The following CDH12 variants were observed in gnomAD, a reference collection of about 807,000 sequenced individuals.
CDH12 encodes cadherin-12.
Under a neutral mutation model 74.1 loss-of-function variants are expected in CDH12, and 41 were observed. The observed-to-expected ratio is 0.55, with a 90% CI of 0.43 to 0.72. CDH12 has a LOEUF of 0.72. Ranked by LOEUF, CDH12 falls within the 30% of genes least tolerant of loss-of-function variation. CDH12 has a pLI of 0.00. For synonymous variants in CDH12, 399 were observed against 355.0 expected (o/e 1.12, Z -1.39); for missense variants, 945 against 977.2 (o/e 0.97, Z 0.44).
Position 21,833,645 on chromosome 5 carries a change from G to A in CDH12, c.814+8516C>T, listed in dbSNP as rs577078581. On this transcript the variant is annotated intron_variant, in intron 8 of 14. Transcript: ENST00000382254. The stretch of plus-strand genomic sequence containing the variant: ...TGTATATCATGTATCTCATATATAT[G>A]CATACAAATGATTCAAGGAATCAGC... 2.7e-5 allele frequency among the ~76,000 whole-genome samples: 3 copies of A among 113,184 alleles called. No homozygotes were observed. In the South Asian group the frequency reaches 9.3e-4, roughly 35 times the overall value. 74.3% of individuals were successfully genotyped at this position (113,184 alleles called of 152,430 possible). A position where few individuals can be genotyped will look rare whatever the true frequency, so the allele number is the denominator to read the frequency against.
chr5:22,548,396 T>C (rs1289086359), intron 1 of CDH12, among the ~76,000 whole-genome samples: 4 of 152,206 alleles, frequency 2.6e-5, no homozygotes, highest in African/African-American at 9.6e-5. Context: ...ATAATCTAAA[T>C]CTTCACAGTG....
chr5:22,459,372 TG>T (rs1445235542), intron 2 of CDH12, among the ~76,000 whole-genome samples: 1 of 152,138 alleles, frequency 6.6e-6, no homozygotes, highest in East Asian at 1.9e-4. Flanking sequence ...TAAAAATTAA[TG>T]TATTGCAACA....
chr5:22,294,324 G>C (rs1737530216), intron 3 of CDH12, among the ~76,000 whole-genome samples: 1 of 152,150 alleles, frequency 6.6e-6, no homozygotes, highest in South Asian at 2.1e-4. Flanking sequence ...GATAAATCCA[G>C]TTTCTTAGAA....
chr5:22,803,059 A>G (rs189772855), intron 1 of CDH12, among the ~76,000 whole-genome samples: 1 of 152,146 alleles, frequency 6.6e-6, no homozygotes, highest in Non-Finnish European at 1.5e-5. Flanking sequence ...AGGAAGCCCA[A>G]CATCAACTTT....
intron 1 of CDH12, among the ~76,000 whole-genome samples, chr5:22,608,196 G>C (rs1737215951): frequency 6.6e-6 from 1 of 152,176 alleles, no homozygotes; most frequent in African/African-American, 2.4e-5. Context: ...GGTGAGGGGG[G>C]CTATTCCCTG....
chr5:22,394,614 T>A (rs991611251), intron 3 of CDH12, among the ~76,000 whole-genome samples: 1 of 152,144 alleles, frequency 6.6e-6, no homozygotes, highest in African/African-American at 2.4e-5. Flanking sequence ...CCCTGAAACC[T>A]AATGGGATTT....
At chr5:22,491,184 TCCCATCTTTGTG>T (rs1157056912) in intron 2 of CDH12, among the ~76,000 whole-genome samples, 1 of 152,192 alleles carries the variant, frequency 6.6e-6, no homozygotes, top group African/African-American at 2.4e-5. Flanking sequence ...TGTTTATTGT[TCCCATCTTTGTG>T]CCCATGTGTA....
intron 3 of CDH12, among the ~76,000 whole-genome samples, chr5:22,351,945 T>A (rs1364779704): frequency 6.6e-6 from 1 of 152,200 alleles, no homozygotes; most frequent in Non-Finnish European, 1.5e-5. Context: ...CTTTTGAAAG[T>A]AAAGCAGTTA....
intron 7 of CDH12, among the ~76,000 whole-genome samples, chr5:21,845,266 A>G (rs1750102528): frequency 6.6e-6 from 1 of 152,118 alleles, no homozygotes; most frequent in Non-Finnish European, 1.5e-5. Context: ...TCATTTGAAT[A>G]ATGCAATTCA....
chr5:22,338,751 A>G (rs1164353675), intron 3 of CDH12, among the ~76,000 whole-genome samples: 1 of 152,200 alleles, frequency 6.6e-6, no homozygotes, highest in African/African-American at 2.4e-5. Context: ...TAAAAATTTA[A>G]AAAGAATGTG....
intron 1 of CDH12, among the ~76,000 whole-genome samples, chr5:22,582,131 C>T (rs1196373071): frequency 6.6e-6 from 1 of 152,128 alleles, no homozygotes; most frequent in East Asian, 1.9e-4. Flanking sequence ...CTGTATAATC[C>T]TCCTGTTGCT....
intron 3 of CDH12, among the ~76,000 whole-genome samples, chr5:22,343,331 G>GAGAC (rs1298174334): frequency 1.7e-5 from 2 of 120,300 alleles, no homozygotes; most frequent in Admixed American, 1.6e-4. Flanking sequence ...CACAGAGAGA[G>GAGAC]AGAGAGAGAG....
At chr5:22,038,310 C>T (rs988857124) in intron 5 of CDH12, among the ~76,000 whole-genome samples, 2 of 152,126 alleles carry the variant, frequency 1.3e-5, no homozygotes, top group Non-Finnish European at 2.9e-5. Context: ...GGCCAAGCAT[C>T]CCTGGAGCCA....
chr5:22,200,051 C>G (rs1196232372), intron 4 of CDH12, among the ~76,000 whole-genome samples: 1 of 152,080 alleles, frequency 6.6e-6, no homozygotes, highest in Non-Finnish European at 1.5e-5. Context: ...GAGAGAAATA[C>G]TTTCCAGAAT....
chr5:22,329,355 T>C (rs1739252591), intron 3 of CDH12, among the ~76,000 whole-genome samples: 1 of 152,192 alleles, frequency 6.6e-6, no homozygotes, highest in Non-Finnish European at 1.5e-5. Flanking sequence ...AGTAAAAAGC[T>C]ACAATGCTTC....
chr5:22,500,522 ATATCT>A (rs1347882919), intron 2 of CDH12, among the ~76,000 whole-genome samples: 65 of 152,298 alleles, frequency 4.3e-4, no homozygotes, highest in Non-Finnish European at 3.1e-4. Context: ...GCCCAGAAAC[ATATCT>A]TATCACTTCC....
Position 22,635,775 on chromosome 5 carries a change from G to A in CDH12, c.-522-130411C>T, listed in dbSNP as rs193235903. Among the ~76,000 whole-genome samples the A allele has an allele frequency of 3.6e-3, 549 of 152,116 alleles. 1 individual carries two copies. Among genetic ancestry groups the A allele is most frequent in the African/African-American group, 0.01 (422 of 41,502 alleles). On this transcript the variant is annotated intron_variant, in intron 1 of 14. Coordinates refer to ENST00000382254, the MANE Select transcript of CDH12 (RefSeq NM_004061.5). ...CTGAAAATACAAAAATTAGCTGGGC[G>A]TAGTGGCATGCGCCTGTAATCCCAG...
intron 6 of CDH12, among the ~76,000 whole-genome samples, chr5:21,929,804 C>T (rs766889120): frequency 6.6e-6 from 1 of 152,160 alleles, no homozygotes; most frequent in African/African-American, 2.4e-5. Context: ...CAGGCATGAG[C>T]CACAGTGTCC....
At chr5:21,773,491 C>G (rs1745434359) in intron 11 of CDH12, among the ~76,000 whole-genome samples, 1 of 152,166 alleles carries the variant, frequency 6.6e-6, no homozygotes, top group African/African-American at 2.4e-5. Flanking sequence ...ACATCAGACT[C>G]CAAGTTCTTC....
Sources: gnomAD v4.1 joint callset for allele counts (sites outside exome capture counted in the v4.1 genomes callset) on GRCh38, gnomAD v4.1.1 for gene constraint, MANE v1.5 for transcripts, NCBI Gene and HGNC (gene_info 2026-07-23, HGNC 2026-07-21) for gene names.